The following CLEC4D variants were observed in gnomAD, a reference collection of about 807,000 sequenced individuals.
The protein encoded by CLEC4D is C-type (calcium dependent, carbohydrate-recognition domain) lectin, superfamily member 8.
CLEC4D carries 21 observed loss-of-function variants against 21.1 expected under a neutral mutation model. The ratio of observed to expected loss-of-function variants is 1.00; its 90% CI spans 0.71 to 1.43. The LOEUF is 1.43. Among genes scored for constraint, CLEC4D ranks in the 40% most tolerant of loss-of-function variants. The probability of loss-of-function intolerance (pLI) is 0.00; values close to 1 mark genes in which losing one functional copy is unlikely to be tolerated. For missense variants in CLEC4D, 289 were observed against 260.7 expected (o/e 1.11, Z -0.75); for synonymous variants, 85 against 83.1 (o/e 1.02, Z -0.12).
At chr12:8,527,424 C>T in the CLEC4D span, among the ~76,000 whole-genome samples, 1 of 152,192 alleles carries the variant, frequency 6.6e-6, no homozygotes, top group Non-Finnish European at 1.5e-5. Flanking sequence ...GGAAGCCCTG[C>T]CCCCTGAGGA....
At chr12:8,518,020 G>T in intron 2 of CLEC4D, 144 bp from the exon 3 acceptor site, 1 of 496,720 alleles carries the variant, frequency 2.0e-6, no homozygotes, top group Non-Finnish European at 3.7e-6. Flanking sequence ...ACCTGGAGCT[G>T]AAACAAACAA....
At chr12:8,518,944 T>A in intron 3 of CLEC4D, 65 bp from the exon 4 acceptor site, 1 of 1,558,328 alleles carries the variant, frequency 6.4e-7, no homozygotes, top group African/African-American at 1.4e-5. Context: ...AGTAGAATAG[T>A]TATGCAATCT....
downstream of CLEC4D, among the ~76,000 whole-genome samples, chr12:8,522,659 A>G (rs1940473998): frequency 6.6e-6 from 1 of 152,124 alleles, no homozygotes; most frequent in Non-Finnish European, 1.5e-5. Context: ...TTGTTGAAGT[A>G]ACTTTATGTA....
Position 8,518,233 on chromosome 12 carries a change from T to A in CLEC4D, c.191T>A (p.Leu64His). 1.4e-6 allele frequency: 2 copies of A among 1,386,770 alleles called. No homozygotes were observed. The highest frequency in any genetic ancestry group is 2.1e-6 in the Non-Finnish European group (2 of 973,304). 85.9% of individuals were successfully genotyped at this position (1,386,770 alleles called of 1,614,324 possible). A position where few individuals can be genotyped will look rare whatever the true frequency, so the allele number is the denominator to read the frequency against. The change falls in exon 3 of 6, where the codon CTC becomes CAC. Residue 64 changes from leucine to histidine, a missense_variant. Leu to His is a moderately conservative substitution (Grantham distance 99). Coordinates refer to ENST00000299665, the MANE Select transcript of CLEC4D (RefSeq NM_080387.5). ...CACAAGTTAGAGCACCATGCAAAGC[T>A]CAAATGCATCAAAGAGAAATCAGAA... ...GVHKLEHHAK[L>H]KCIKEKSELK...
chr12:8,531,297 C>T, the CLEC4D span, among the ~76,000 whole-genome samples: 1 of 152,190 alleles, frequency 6.6e-6, no homozygotes. Context: ...CGTATAAAGA[C>T]CACCTTGCTC....
Position 8,520,302 on chromosome 12 carries a change from G to A in CLEC4D, c.461G>A (p.Trp154Ter), listed in dbSNP as rs758053590. The A allele has an allele frequency of 1.9e-6, 3 of 1,613,896 alleles. No individual in the cohort carries two copies. Among genetic ancestry groups the A allele is most frequent in the Non-Finnish European group, 2.5e-6 (3 of 1,179,914 alleles). ...GLRDENAKGQ[W>*]RWVDQTPFNP... ...AGAGATGAGAATGCCAAAGGTCAGT[G>A]GCGTTGGGTGGACCAGACGCCATTT... The change falls in exon 5 of 6, where the codon TGG (tryptophan) becomes TAG (stop). Residue 154 changes from tryptophan to a stop codon, truncating the protein, a stop_gained. Transcript: ENST00000299665. LOFTEE classifies it low-confidence loss of function (END_TRUNC).
At chr12:8,531,194 T>TC in the CLEC4D span, among the ~76,000 whole-genome samples, 2 of 152,038 alleles carry the variant, frequency 1.3e-5, no homozygotes, top group African/African-American at 2.4e-5. Context: ...GTCTCCTGCT[T>TC]CCCCCACAAT....
chr12:8,521,190 A>AAT lies in CLEC4D; in HGVS notation c.567_568insAT (p.Asp190MetfsTer26), dbSNP rs746021320. The AAT allele has an allele frequency of 4.3e-6, 7 of 1,613,662 alleles. No homozygotes were observed. Among genetic ancestry groups the AAT allele is most frequent in the Non-Finnish European group, 5.9e-6 (7 of 1,179,752 alleles). On this transcript the variant is annotated frameshift_variant, in exon 6 of 6. Transcript: ENST00000299665. LOFTEE classifies it low-confidence loss of function (END_TRUNC). Reference sequence around the variant, plus strand: ...ACTGTGTTGTTCTTGTTTATAACCAAGATAAATGGGCCTGGAATGATGTTC... The same window carrying AAT: ...ACTGTGTTGTTCTTGTTTATAACCAAATGATAAATGGGCCTGGAATGATGTTC...
chr12:8,527,696 C>G, the CLEC4D span, among the ~76,000 whole-genome samples: 1 of 152,242 alleles, frequency 6.6e-6, no homozygotes, highest in Non-Finnish European at 1.5e-5. Flanking sequence ...CAGGCAGCCA[C>G]AGCCAGTGCT....
the CLEC4D span, among the ~76,000 whole-genome samples, chr12:8,531,269 C>T: frequency 1.3e-5 from 2 of 152,158 alleles, no homozygotes; most frequent in East Asian, 1.9e-4. Context: ...CTCCCCCTCC[C>T]GCATATACAT....
At chr12:8,520,536 T>G (rs768743885) in intron 5 of CLEC4D, among the ~76,000 whole-genome samples, 195 bp downstream of exon 5, 14 of 152,344 alleles carry the variant, frequency 9.2e-5, no homozygotes, top group African/African-American at 3.4e-4. Flanking sequence ...GTATTCTTAT[T>G]TGCACAATGT....
chr12:8,521,042 T>G, intron 5 of CLEC4D, 82 bp from the exon 6 acceptor site: 1 of 1,484,672 alleles, frequency 6.7e-7, no homozygotes, highest in South Asian at 1.4e-5. Context: ...TGTCTCCTAA[T>G]ATATCTATAT....
intron 2 of CLEC4D, among the ~76,000 whole-genome samples, chr12:8,517,826 G>T (rs1940401266): frequency 6.6e-6 from 1 of 151,952 alleles, no homozygotes; most frequent in African/African-American, 2.4e-5. Flanking sequence ...GGCGCCTGTA[G>T]TCCCAGCTAC....
chr12:8,521,700 A>G lies in CLEC4D; in HGVS notation c.*429A>G, dbSNP rs1180523131. On this transcript the variant is annotated 3_prime_UTR_variant, in exon 6 of 6. Transcript: ENST00000299665. ...CATTTTTAACCCAAATATTGCAAGC[A>G]CTTTAAAGATTTGAAACCACATTTT... 1 of 153,844 alleles carries G rather than the reference A, an allele frequency of 6.5e-6. No homozygotes were observed. The highest frequency in any genetic ancestry group is 6.5e-5 in the Admixed American group (1 of 15,472). 9.5% of individuals were successfully genotyped at this position (153,844 alleles called of 1,614,324 possible).
downstream of CLEC4D, among the ~76,000 whole-genome samples, chr12:8,523,072 C>T (rs1006919862): frequency 6.6e-6 from 1 of 152,122 alleles, no homozygotes; most frequent in Non-Finnish European, 1.5e-5. Flanking sequence ...GTTTTGGGAC[C>T]AGTACCATAC....
intron 2 of CLEC4D, 73 bp downstream of exon 2, chr12:8,515,401 C>T (rs774776217): frequency 3.7e-6 from 3 of 816,096 alleles, no homozygotes; most frequent in Non-Finnish European, 6.5e-6. Flanking sequence ...TTGCTCTAAG[C>T]CTTTTGGTAT....
chr12:8,520,742 A>T (rs1333068363), intron 5 of CLEC4D, among the ~76,000 whole-genome samples: 1 of 152,224 alleles, frequency 6.6e-6, no homozygotes, highest in Non-Finnish European at 1.5e-5. Context: ...TTTGTTAGTT[A>T]TATTAAGAAA....
At chr12:8,515,409 T>C (rs1591718739) in intron 2 of CLEC4D, 81 bp downstream of exon 2, 1 of 782,972 alleles carries the variant, frequency 1.3e-6, no homozygotes, top group Admixed American at 1.8e-5. Flanking sequence ...AGCCTTTTGG[T>C]ATCTTGATTT....
At position 8,515,270 on chromosome 12, in the gene CLEC4D, G is replaced by T; in HGVS notation, c.63G>T (p.Ser21=). Residue 21 remains serine (S), a synonymous_variant, in exon 2 of 6, where the codon TCG becomes TCT. Coordinates refer to ENST00000299665, the MANE Select transcript of CLEC4D (RefSeq NM_080387.5). The part of the protein sequence containing the change: ...EGGMHPQLIP[S]VIAVVFILLL... The stretch of plus-strand genomic sequence containing the variant: ...GCATGCATCCCCAGCTGATACCTTC[G>T]GTTATTGCTGTAGTTTTCATCTTAC... 6.5e-7 allele frequency: 1 copy of T among 1,540,426 alleles called. No individual in the cohort carries two copies. The highest frequency in any genetic ancestry group is 9.0e-7 in the Non-Finnish European group (1 of 1,113,416).
Sources: allele counts gnomAD v4.1 joint callset (sites outside exome capture counted in the v4.1 genomes callset), GRCh38; gene constraint gnomAD v4.1.1; transcripts MANE v1.5; gene names NCBI Gene and HGNC (gene_info 2026-07-23, HGNC 2026-07-21).